The following ZGRF1 variants were observed in gnomAD, a reference collection of about 807,000 sequenced individuals.
The protein encoded by ZGRF1 is zinc finger GRF-type containing 1, also known as 5'-3' DNA helicase ZGRF1.
In ZGRF1, 196 loss-of-function variants were observed where a neutral mutation model predicts 203.5. The observed-to-expected ratio is 0.96, with a 90% CI of 0.86 to 1.08. ZGRF1 has a LOEUF of 1.08. Among genes scored for constraint, ZGRF1 ranks in the 50% least tolerant of loss-of-function variants. ZGRF1 has a pLI of 0.00. For missense variants in ZGRF1, 2,326 were observed against 2,416.3 expected (o/e 0.96, Z 0.78); for synonymous variants, 809 against 841.3 (o/e 0.96, Z 0.66).
intron 10 of ZGRF1, among the ~76,000 whole-genome samples, chr4:112,591,690 TG>T (rs774882559): frequency 6.6e-6 from 1 of 152,198 alleles, no homozygotes; most frequent in Non-Finnish European, 1.5e-5. Flanking sequence ...TCCCTGTGCC[TG>T]GAATGCCTTT....
At chr4:112,561,385 C>T (rs1266358174) in intron 18 of ZGRF1, 15 of 164,530 alleles carry the variant, frequency 9.1e-5, no homozygotes, top group Admixed American at 9.0e-4. Flanking sequence ...ATTATACAAA[C>T]CTAACTTAGA....
rs115057322 is a variant in ZGRF1 at position 112,549,498 on chromosome 4, A to G, written c.5347-1118T>C. On this transcript the variant is annotated intron_variant, in intron 22 of 27. Coordinates refer to ENST00000505019, the MANE Select transcript of ZGRF1 (RefSeq NM_018392.5). Reference sequence around the variant, plus strand: ...ACATAACAATGTGATGTTTTGGTCAATGATGGACCAGATGTATGATGATGG... The same window carrying G: ...ACATAACAATGTGATGTTTTGGTCAGTGATGGACCAGATGTATGATGATGG... 5.3e-3 allele frequency among the ~76,000 whole-genome samples: 813 copies of G among 152,350 alleles called. 6 individuals are homozygous for G. Among genetic ancestry groups the G allele is most frequent in the African/African-American group, 0.018 (757 of 41,588 alleles).
chr4:112,581,728 T>C lies in ZGRF1; in HGVS notation c.4373A>G (p.Asn1458Ser), dbSNP rs759862833. Residue 1458 changes from asparagine to serine, a missense_variant, in exon 16 of 28, where the codon AAT (asparagine) becomes AGT (serine). Transcript: ENST00000505019. ...KFTTVNPEFY[N>S]EPKTKLYLKL... ...AAGATAAAGTTTGGTTTTTGGTTCA[T>C]TATAAAACTCAGGATTTACAGTAGT... The C allele has an allele frequency of 1.9e-6, 3 of 1,578,306 alleles. No individual in the cohort carries two copies. Among genetic ancestry groups the C allele is most frequent in the Admixed American group, 3.8e-5 (2 of 53,120 alleles).
At chr4:112,594,599 C>T (rs1748696078) in intron 10 of ZGRF1, among the ~76,000 whole-genome samples, 1 of 151,864 alleles carries the variant, frequency 6.6e-6, no homozygotes, top group African/African-American at 2.4e-5. Flanking sequence ...ATTACAGGCA[C>T]ATGCCACCAC....
chr4:112,593,736 A>G (rs1452867291), intron 10 of ZGRF1, among the ~76,000 whole-genome samples: 2 of 152,134 alleles, frequency 1.3e-5, no homozygotes, highest in African/African-American at 2.4e-5. Context: ...ACTGTTGCCA[A>G]TGCTGGAGAA....
chr4:112,546,195 G>A (rs1445434684), intron 24 of ZGRF1, among the ~76,000 whole-genome samples: 6 of 151,866 alleles, frequency 4.0e-5, no homozygotes, highest in Non-Finnish European at 7.4e-5. Flanking sequence ...TAAAATATCC[G>A]GAATAAATAA....
intron 2 of ZGRF1, among the ~76,000 whole-genome samples, chr4:112,632,690 G>GT (rs1185084294): frequency 1.3e-5 from 2 of 152,212 alleles, no homozygotes; most frequent in African/African-American, 2.4e-5. Flanking sequence ...ATCAATAGAC[G>GT]TAAGACCCTA....
At chr4:112,555,170 G>A (rs1740708237) in intron 20 of ZGRF1, among the ~76,000 whole-genome samples, 1 of 152,180 alleles carries the variant, frequency 6.6e-6, no homozygotes, top group Non-Finnish European at 1.5e-5. Context: ...TACAGCTCCA[G>A]ATGATATCTA....
chr4:112,578,166 C>T (rs1358543412), intron 16 of ZGRF1, among the ~76,000 whole-genome samples: 1 of 122,926 alleles, frequency 8.1e-6, no homozygotes, highest in African/African-American at 2.8e-5. Flanking sequence ...CAACCTGCTC[C>T]TGAATGACTA....
Position 112,560,973 on chromosome 4 carries a change from T to A in ZGRF1, c.4720A>T (p.Asn1574Tyr), listed in dbSNP as rs1297430476. The A allele has an allele frequency of 1.2e-6, 2 of 1,609,988 alleles. No individual in the cohort carries two copies. Among genetic ancestry groups the A allele is most frequent in the Admixed American group, 3.4e-5 (2 of 59,542 alleles). ...LTTSSPTIVS[N>Y]KRVSKRKFIP... ...AATTTTCTCTTACTGACTCTTTTGT[T>A]ACTAACTATAGTTGGCGAAGACCTA... is the stretch of plus-strand genomic sequence containing the variant. Residue 1574 changes from asparagine to tyrosine, a missense_variant, in exon 19 of 28, where the codon AAC (asparagine) becomes TAC (tyrosine). Asn to Tyr is a moderately radical substitution (Grantham distance 143). Coordinates refer to ENST00000505019, the MANE Select transcript of ZGRF1 (RefSeq NM_018392.5).
intron 15 of ZGRF1, among the ~76,000 whole-genome samples, chr4:112,582,984 C>T (rs1282106480): frequency 2.0e-5 from 3 of 152,076 alleles, no homozygotes; most frequent in Non-Finnish European, 4.4e-5. Flanking sequence ...ATACTTATTT[C>T]CTTTCTTTTG....
chr4:112,572,915 G>A (rs1479692245), intron 16 of ZGRF1, among the ~76,000 whole-genome samples: 1 of 152,088 alleles, frequency 6.6e-6, no homozygotes, highest in African/African-American at 2.4e-5. Flanking sequence ...ATGTTGGCAG[G>A]GATGAAAGGG....
chr4:112,575,248 T>C (rs1744932700), intron 16 of ZGRF1, among the ~76,000 whole-genome samples: 1 of 152,174 alleles, frequency 6.6e-6, no homozygotes. Flanking sequence ...TAAATGTTTC[T>C]CGTATCCCTT....
chr4:112,539,543 CT>C lies in ZGRF1; in HGVS notation c.*3del, dbSNP rs780155041. On this transcript the variant is annotated 3_prime_UTR_variant, in exon 28 of 28. Transcript: ENST00000505019. The stretch of plus-strand genomic sequence containing the variant: ...TAAATACAAAATATTTACACCATGT[CT>C]TTTTATGAATGAGATTTATCTTTAG... The C allele has an allele frequency of 8.6e-6, 11 of 1,286,482 alleles. No individual in the cohort carries two copies. The African/African-American group carries it at 1.2e-4, about 14-fold the overall frequency. 79.7% of individuals were successfully genotyped at this position (1,286,482 alleles called of 1,614,324 possible). A position where few individuals can be genotyped will look rare whatever the true frequency, so the allele number is the denominator to read the frequency against.
Position 112,585,631 on chromosome 4 carries a change from C to T in ZGRF1, c.4011G>A (p.Glu1337=). 1 of 1,610,410 alleles carries T rather than the reference C, an allele frequency of 6.2e-7. No individual in the cohort carries two copies. The highest frequency in any genetic ancestry group is 8.5e-7 in the Non-Finnish European group (1 of 1,178,420). Residue 1337 remains glutamate, a synonymous_variant, in exon 14 of 28, where the codon GAG becomes GAA. Transcript: ENST00000505019. ...DISFYTSLKG[E]KLKNAENNVP... ...CATTATTTTCTGCGTTTTTCAGTTTCTCTCCCTTCAATGATGTATAAAATG... is the reference window on the plus strand; with the variant it reads ...CATTATTTTCTGCGTTTTTCAGTTTTTCTCCCTTCAATGATGTATAAAATG...
At chr4:112,560,660 T>C (rs1191754049) in intron 19 of ZGRF1, 73 bp downstream of exon 19, 2 of 1,271,080 alleles carry the variant, frequency 1.6e-6, no homozygotes, top group African/African-American at 3.0e-5. Flanking sequence ...TAGGAAATTA[T>C]AAAGGAGCAG....
intron 9 of ZGRF1, among the ~76,000 whole-genome samples, chr4:112,605,392 C>T (rs1750621522): frequency 6.6e-6 from 1 of 152,162 alleles, no homozygotes. Context: ...AACTCCTGGC[C>T]TCAAGTGATC....
rs550779012 is a variant in ZGRF1 at position 112,634,629 on chromosome 4, C to T, written c.-66-1387G>A. On this transcript the variant is annotated intron_variant, in intron 1 of 27. Coordinates refer to ENST00000505019, the MANE Select transcript of ZGRF1 (RefSeq NM_018392.5). The stretch of plus-strand genomic sequence containing the variant: ...TCACGCCACTGCACTCCAGCCTGGG[C>T]GACAAGAGCAAAACTGTCTCAAAAA... Among the ~76,000 whole-genome samples, 109 of 150,762 alleles carry T rather than the reference C, an allele frequency of 7.2e-4. 1 individual carries two copies. The East Asian group carries it at 0.011, about 15-fold the overall frequency.
At chr4:112,603,741 TG>T in intron 9 of ZGRF1, 44 bp from the exon 10 acceptor site, 1 of 1,412,272 alleles carries the variant, frequency 7.1e-7, no homozygotes, top group East Asian at 2.3e-5. Context: ...AACTATATGT[TG>T]ACATATATAT....
Sources: allele counts gnomAD v4.1 joint callset (sites outside exome capture counted in the v4.1 genomes callset), GRCh38; gene constraint gnomAD v4.1.1; transcripts MANE v1.5; gene names NCBI Gene and HGNC (gene_info 2026-07-23, HGNC 2026-07-21).